Variants in KHDRBS1 observed in about 807,000 individuals in gnomAD.
The protein encoded by KHDRBS1 is KH domain-containing, RNA-binding, signal transduction-associated protein 1.
A neutral mutation model predicts 48.4 loss-of-function variants in KHDRBS1; 7 were observed. The observed-to-expected ratio is 0.14, with a 90% CI of 0.08 to 0.27. The LOEUF is 0.27. KHDRBS1 is among the 10% of genes least tolerant of loss of function. The pLI, the probability that KHDRBS1 is intolerant of heterozygous loss-of-function variation, is 1.00. For synonymous variants in KHDRBS1, 241 were observed against 235.8 expected (o/e 1.02, Z -0.20); for missense variants, 458 against 601.2 (o/e 0.76, Z 2.49).
intron 7 of KHDRBS1, 145 bp from the exon 8 acceptor site, chr1:32,039,370 A>G (rs1281710225): frequency 1.6e-6 from 1 of 627,902 alleles, no homozygotes; most frequent in Non-Finnish European, 2.9e-6. Context: ...TATTTTGGAA[A>G]TACTTTACGG....
intron 10 of KHDRBS1, among the ~76,000 whole-genome samples, chr1:32,049,845 T>G (rs1450427940): frequency 1.3e-5 from 2 of 151,960 alleles, no homozygotes; most frequent in Non-Finnish European, 2.9e-5. Flanking sequence ...GTATTTTTAG[T>G]AGAGACGGGG....
chr1:32,016,072 G>A (rs1463204130), intron 1 of KHDRBS1, among the ~76,000 whole-genome samples: 2 of 151,978 alleles, frequency 1.3e-5, no homozygotes, highest in Non-Finnish European at 2.9e-5. Context: ...CAGCTACTTT[G>A]GAAGCTGAGG....
At position 32,014,244 on chromosome 1, in the gene KHDRBS1, G is replaced by C. The variant is rs1638687980; in HGVS notation, c.249G>C (p.Pro83=). 6.5e-7 allele frequency: 1 copy of C among 1,531,200 alleles called. No individual in the cohort carries two copies. Among genetic ancestry groups the C allele is most frequent in the South Asian group, 1.2e-5 (1 of 81,988 alleles). 94.9% of individuals were successfully genotyped at this position (1,531,200 alleles called of 1,614,324 possible). ...GPDATVGGPA[P]TPLLPPSATA... ...ACGCGACAGTGGGCGGGCCAGCGCC[G>C]ACCCCGCTGCTGCCCCCCTCGGCCA... The change falls in exon 1 of 9, where the codon CCG becomes CCC. Residue 83 remains proline (P), a synonymous_variant. Coordinates refer to ENST00000327300, the MANE Select transcript of KHDRBS1 (RefSeq NM_006559.3).
intron 1 of KHDRBS1, among the ~76,000 whole-genome samples, chr1:32,024,112 C>T (rs541552734): frequency 6.6e-6 from 1 of 151,990 alleles, no homozygotes; most frequent in African/African-American, 2.4e-5. Flanking sequence ...TTTAGCTGGG[C>T]GTGGTGGCAG....
intron 1 of KHDRBS1, among the ~76,000 whole-genome samples, chr1:32,019,644 T>A (rs1262628665): frequency 6.6e-6 from 1 of 152,220 alleles, no homozygotes; most frequent in African/African-American, 2.4e-5. Context: ...TCTAATGTTA[T>A]ATGAAGAAAG....
At chr1:32,046,620 G>A (rs1173436809), downstream of KHDRBS1, among the ~76,000 whole-genome samples, 1 of 152,208 alleles carries the variant, frequency 6.6e-6, no homozygotes, top group East Asian at 1.9e-4. Context: ...TGGGGGCTGT[G>A]ACAACAGTGA....
At chr1:32,024,442 C>A (rs187207344) in intron 1 of KHDRBS1, among the ~76,000 whole-genome samples, 158 of 152,070 alleles carry the variant, frequency 1.0e-3, no homozygotes, top group Middle Eastern at 3.4e-3. Context: ...TCTCTAGTAA[C>A]TGGGACAACA....
At chr1:32,045,254 G>A (rs906817483), downstream of KHDRBS1, 1 of 152,530 alleles carries the variant, frequency 6.6e-6, no homozygotes, top group Non-Finnish European at 1.5e-5. Flanking sequence ...CTGCATGCAG[G>A]ATCTCTTTAT....
intron 5 of KHDRBS1, among the ~76,000 whole-genome samples, 178 bp from the exon 6 acceptor site, chr1:32,037,657 T>C (rs867201816): frequency 3.9e-5 from 6 of 152,192 alleles, no homozygotes; most frequent in Non-Finnish European, 8.8e-5. Context: ...TGGTCCTCTA[T>C]AGGACCTGGG....
Position 32,034,873 on chromosome 1 carries a change from C to T in KHDRBS1, c.771+1539C>T, listed in dbSNP as rs530900561. 2.8e-3 allele frequency among the ~76,000 whole-genome samples: 418 copies of T among 150,758 alleles called. 1 individual carries two copies. The highest frequency in any genetic ancestry group is 0.017 in the Middle Eastern group (5 of 292). On this transcript the variant is annotated intron_variant, in intron 4 of 8. Coordinates refer to ENST00000327300, the MANE Select transcript of KHDRBS1 (RefSeq NM_006559.3). ...GCAGGCGCCTGTAGTCCCAGCTAAT[C>T]GGGAGGCTGGGGCAGGAGAATGGTA... is the stretch of plus-strand genomic sequence containing the variant.
chr1:32,019,599 T>C (rs772085015), intron 1 of KHDRBS1, among the ~76,000 whole-genome samples: 3 of 152,210 alleles, frequency 2.0e-5, no homozygotes, highest in African/African-American at 7.2e-5. Context: ...GGATGAACTA[T>C]AGCTGCAGGC....
intron 1 of KHDRBS1, among the ~76,000 whole-genome samples, chr1:32,017,668 C>A (rs180739466): frequency 1.6e-5 from 2 of 122,710 alleles, no homozygotes; most frequent in African/African-American, 6.4e-5. Context: ...AGTGCAATGG[C>A]GCGATCTTGG....
intron 10 of KHDRBS1, among the ~76,000 whole-genome samples, chr1:32,053,144 C>G (rs1012452621): frequency 7.9e-5 from 12 of 152,086 alleles, no homozygotes; most frequent in African/African-American, 2.9e-4. Context: ...CAGCAAGACT[C>G]TGTCTCAAAA....
intron 1 of KHDRBS1, among the ~76,000 whole-genome samples, chr1:32,016,898 G>A (rs1359274935): frequency 6.6e-6 from 1 of 152,170 alleles, no homozygotes; most frequent in East Asian, 1.9e-4. Flanking sequence ...GCTGCACAGA[G>A]TGGCCTCTTA....
At chr1:32,038,218 T>A in intron 6 of KHDRBS1, 182 bp downstream of exon 6, 1 of 891,856 alleles carries the variant, frequency 1.1e-6, no homozygotes, top group Non-Finnish European at 1.7e-6. Context: ...GGCAGGGTTT[T>A]ACTATACGCC....
chr1:32,059,272 G>C (rs539092666), intron 10 of KHDRBS1, among the ~76,000 whole-genome samples: 1 of 150,950 alleles, frequency 6.6e-6, no homozygotes, highest in Admixed American at 6.6e-5. Flanking sequence ...CCATTTAAAA[G>C]ATCGGAAGCA....
At chr1:32,054,134 T>C (rs1639453391) in intron 10 of KHDRBS1, among the ~76,000 whole-genome samples, 1 of 152,022 alleles carries the variant, frequency 6.6e-6, no homozygotes, top group Non-Finnish European at 1.5e-5. Flanking sequence ...TAAATAGAGA[T>C]TGGAAGAATA....
At chr1:32,036,464 C>T (rs1639185537) in intron 4 of KHDRBS1, among the ~76,000 whole-genome samples, 3 of 152,202 alleles carry the variant, frequency 2.0e-5, no homozygotes, top group Admixed American at 6.5e-5. Flanking sequence ...CCACTGCACC[C>T]GGCCCTCATT....
chr1:32,013,899 C>T lies in KHDRBS1; in HGVS notation c.-97C>T, dbSNP rs1391164111. On this transcript the variant is annotated 5_prime_UTR_variant, in exon 1 of 9. Transcript: ENST00000327300. ...CTGGGTCGCTCGGGTCGGCTTCGGTCGCTACCGCTCCCGCTCTGCCACCCC... is the reference window on the plus strand; with the variant it reads ...CTGGGTCGCTCGGGTCGGCTTCGGTTGCTACCGCTCCCGCTCTGCCACCCC... 9 of 1,208,378 alleles carry T rather than the reference C, an allele frequency of 7.4e-6. No homozygotes were observed. The highest frequency in any genetic ancestry group is 6.4e-6 in the Non-Finnish European group (6 of 940,700). The allele number at this position is 1,208,378 out of a possible 1,614,324, so 74.9% of individuals were successfully genotyped here. A position where few individuals can be genotyped will look rare whatever the true frequency, so the allele number is the denominator to read the frequency against.
Sources: allele counts gnomAD v4.1 joint callset (sites outside exome capture counted in the v4.1 genomes callset), GRCh38; gene constraint gnomAD v4.1.1; transcripts MANE v1.5; gene names NCBI Gene and HGNC (gene_info 2026-07-23, HGNC 2026-07-21).